Variants in ZNF514 observed in about 807,000 individuals in gnomAD.
ZNF514 encodes the protein zinc finger protein 514.
A neutral mutation model predicts 9.7 loss-of-function variants in ZNF514; 12 were observed. The ratio of observed to expected loss-of-function variants is 1.24; its 90% CI spans 0.79 to 2.01. The LOEUF (loss-of-function observed/expected upper bound fraction) is 2.01, where lower values mean the gene tolerates loss of function less well. Among genes scored for constraint, ZNF514 ranks in the 30% most tolerant of loss-of-function variants. The pLI is 0.00. For synonymous variants in ZNF514, 158 were observed against 163.7 expected (o/e 0.97, Z 0.27); for missense variants, 467 against 465.5 (o/e 1.00, Z -0.03).
In ZNF514 at chr2:95,150,249, T is replaced by C. The variant is rs543819479; in HGVS notation, c.236A>G (p.Lys79Arg). 1.0e-5 allele frequency: 16 copies of C among 1,580,068 alleles called. No individual in the cohort carries two copies. The African/African-American group carries it at 2.1e-4, about 21-fold the overall frequency. Residue 79 changes from lysine (K) to arginine (R), a missense_variant, in exon 5 of 5, where the codon AAA becomes AGA. Coordinates refer to ENST00000295208, the MANE Select transcript of ZNF514 (RefSeq NM_032788.3). ...GAHSDWKRRS[K>R]SKESMPSWGI... ...CCAACTTGGCATTGATTCCTTGGAT[T>C]TAGACCTTCTCTTCCAGTCTGTTAA...
At chr2:95,132,007 GTGTCAGACACC>G in the ZNF514 span, among the ~76,000 whole-genome samples, 1 of 152,000 alleles carries the variant, frequency 6.6e-6, no homozygotes, top group South Asian at 2.1e-4. Flanking sequence ...GCCAGGCATG[GTGTCAGACACC>G]TGTAATCCCA....
the ZNF514 span, among the ~76,000 whole-genome samples, chr2:95,126,409 A>AAAGG: frequency 1.1e-4 from 16 of 145,290 alleles, no homozygotes; most frequent in East Asian, 9.8e-4. Flanking sequence ...AGAAAGAAAG[A>AAAGG]AAGGAAGAAA....
chr2:95,145,444 G>A lies in ZNF514; in HGVS notation c.*3838C>T, dbSNP rs534488800. Among the ~76,000 whole-genome samples the A allele has an allele frequency of 1.8e-4, 28 of 152,318 alleles. 1 individual carries two copies. The South Asian group carries it at 4.8e-3, about 26-fold the overall frequency. On this transcript the variant is annotated 3_prime_UTR_variant, in exon 5 of 5. Coordinates refer to ENST00000295208, the MANE Select transcript of ZNF514 (RefSeq NM_032788.3). Reference sequence around the variant, plus strand: ...TTATCCTAAAATAAATTTCTCTTAAGTCTGATAAGAAACATTTACAATCTA... The same window carrying A: ...TTATCCTAAAATAAATTTCTCTTAAATCTGATAAGAAACATTTACAATCTA...
intron 3 of ZNF514, 108 bp from the exon 4 acceptor site, chr2:95,152,877 G>T: frequency 9.1e-7 from 1 of 1,103,108 alleles, no homozygotes; most frequent in Non-Finnish European, 1.4e-6. Flanking sequence ...AGCCTCCAGA[G>T]AACAGGCATT....
At chr2:95,159,089 G>A in intron 1 of ZNF514, 151 bp downstream of exon 1, 2 of 1,132,128 alleles carry the variant, frequency 1.8e-6, no homozygotes, top group Non-Finnish European at 2.2e-6. Flanking sequence ...GCAGGCTGGG[G>A]CTGCCTGGGG....
chr2:95,131,373 A>C, the ZNF514 span, among the ~76,000 whole-genome samples: 1 of 152,202 alleles, frequency 6.6e-6, no homozygotes, highest in Non-Finnish European at 1.5e-5. Flanking sequence ...TTATTCAAAC[A>C]AACCGGTACC....
chr2:95,134,083 C>T, the ZNF514 span, among the ~76,000 whole-genome samples: 60 of 152,184 alleles, frequency 3.9e-4, no homozygotes, highest in African/African-American at 1.4e-3. Flanking sequence ...GAATGGATAT[C>T]TTATACCAAG....
the ZNF514 span, among the ~76,000 whole-genome samples, chr2:95,126,533 C>T: frequency 6.6e-6 from 1 of 151,992 alleles, no homozygotes; most frequent in Non-Finnish European, 1.5e-5. Flanking sequence ...TCAGTGTTAT[C>T]CCCATTTTTT....
At chr2:95,130,695 G>GATA in the ZNF514 span, among the ~76,000 whole-genome samples, 118 of 152,328 alleles carry the variant, frequency 7.7e-4, no homozygotes, top group South Asian at 2.5e-3. Flanking sequence ...CAGAGTTTAA[G>GATA]GTTATCTCTC....
chr2:95,152,877 G>A, intron 3 of ZNF514, 108 bp from the exon 4 acceptor site: 1 of 1,103,110 alleles, frequency 9.1e-7, no homozygotes, highest in South Asian at 1.3e-5. Flanking sequence ...AGCCTCCAGA[G>A]AACAGGCATT....
At chr2:95,155,932 A>C (rs1450522288) in intron 2 of ZNF514, among the ~76,000 whole-genome samples, 2 of 152,180 alleles carry the variant, frequency 1.3e-5, no homozygotes, top group Non-Finnish European at 2.9e-5. Context: ...CTTCAGCCTG[A>C]AGCTCAGAGA....
chr2:95,127,042 G>A, the ZNF514 span, among the ~76,000 whole-genome samples: 1 of 152,126 alleles, frequency 6.6e-6, no homozygotes, highest in Non-Finnish European at 1.5e-5. Context: ...TCCAGGAATT[G>A]GTGTCAGCTC....
At chr2:95,129,336 A>T in the ZNF514 span, among the ~76,000 whole-genome samples, 17 of 152,312 alleles carry the variant, frequency 1.1e-4, 1 homozygote, top group South Asian at 3.3e-3. Context: ...ATGGCACTTG[A>T]GCTACAGTCC....
rs1475720674 is a variant in ZNF514, at chr2:95,150,172, G to T, written c.313C>A (p.Gln105Lys). 2 of 1,608,252 alleles carry T rather than the reference G, an allele frequency of 1.2e-6. No individual in the cohort carries two copies. Among genetic ancestry groups the T allele is most frequent in the East Asian group, 2.2e-5 (1 of 44,804 alleles). The part of the protein sequence containing the change: ...FQVVSVEKHI[Q>K]DVLQFSKLKA... ...AACTTCGAGAACTGCAGCACATCTT[G>T]AATGTGTTTTTCCACTGATACTACC... Residue 105 changes from glutamine (Q) to lysine (K), a missense_variant, in exon 5 of 5, where the codon CAA becomes AAA. By Grantham distance (53) the Gln-to-Lys change is moderately conservative (BLOSUM62 1). Coordinates refer to ENST00000295208, the MANE Select transcript of ZNF514 (RefSeq NM_032788.3).
intron 1 of ZNF514, among the ~76,000 whole-genome samples, chr2:95,157,726 A>G (rs2104477791): frequency 6.6e-6 from 1 of 152,358 alleles, no homozygotes; most frequent in South Asian, 2.1e-4. Context: ...TACTGGGCAT[A>G]CTGTATGCAG....
At chr2:95,139,353 C>CTT in the ZNF514 span, among the ~76,000 whole-genome samples, 1 of 152,224 alleles carries the variant, frequency 6.6e-6, no homozygotes, top group Non-Finnish European at 1.5e-5. Context: ...GCAATCTCAG[C>CTT]ATGGAAAAGC....
the ZNF514 span, among the ~76,000 whole-genome samples, chr2:95,139,715 T>C: frequency 2.0e-5 from 3 of 152,162 alleles, no homozygotes; most frequent in Non-Finnish European, 2.9e-5. Context: ...TGGAAAACTA[T>C]TGGGAAGGCA....
At chr2:95,132,447 C>G in the ZNF514 span, among the ~76,000 whole-genome samples, 1 of 152,116 alleles carries the variant, frequency 6.6e-6, no homozygotes, top group South Asian at 2.1e-4. Context: ...ATCAAAATGA[C>G]TGAAGTAAAA....
intron 2 of ZNF514, chr2:95,154,866 GT>G (rs1673648216): frequency 6.6e-6 from 1 of 152,128 alleles, no homozygotes; most frequent in Non-Finnish European, 1.5e-5. Context: ...AAACCTTTTT[GT>G]TTAAACCTCT....
Sources: allele counts gnomAD v4.1 joint callset (sites outside exome capture counted in the v4.1 genomes callset), GRCh38; gene constraint gnomAD v4.1.1; transcripts MANE v1.5; gene names NCBI Gene and HGNC (gene_info 2026-07-23, HGNC 2026-07-21).